Variants in LEO1 observed in about 807,000 individuals in gnomAD.
LEO1 encodes the protein LEO1 component of Paf1/RNA polymerase II complex, also known as RNA polymerase-associated protein LEO1.
LEO1 carries 34 observed loss-of-function variants against 80.4 expected under a neutral mutation model. That is an observed-to-expected ratio of 0.42 (90% CI 0.32 to 0.56). The LOEUF (loss-of-function observed/expected upper bound fraction) is 0.56. Ranked by LOEUF, LEO1 falls within the 20% of genes least tolerant of loss-of-function variation. The pLI is 0.10. For synonymous variants in LEO1, 262 were observed against 274.9 expected (o/e 0.95, Z 0.46); for missense variants, 631 against 814.2 (o/e 0.77, Z 2.74).
chr15:51,939,295 C>G (rs1263069726), intron 11 of LEO1, among the ~76,000 whole-genome samples: 2 of 152,156 alleles, frequency 1.3e-5, no homozygotes, highest in Admixed American at 1.3e-4. Context: ...CCACAGGCTG[C>G]TAGATGGAGA....
chr15:51,968,897 A>G (rs1412632314), intron 1 of LEO1, among the ~76,000 whole-genome samples: 2 of 152,176 alleles, frequency 1.3e-5, no homozygotes, highest in African/African-American at 4.8e-5. Flanking sequence ...CATGTATCTG[A>G]TAAGTGTCTT....
intron 11 of LEO1, among the ~76,000 whole-genome samples, chr15:51,942,075 G>A (rs1355438400): frequency 6.6e-6 from 1 of 152,198 alleles, no homozygotes; most frequent in African/African-American, 2.4e-5. Flanking sequence ...GGCATACCTA[G>A]GCTCCTGGTG....
At chr15:51,960,523 T>C (rs1477064224) in intron 4 of LEO1, 116 bp downstream of exon 4, 2 of 657,462 alleles carry the variant, frequency 3.0e-6, no homozygotes, top group Non-Finnish European at 5.5e-6. Flanking sequence ...CATCTGTTCA[T>C]GGTATTTTCA....
chr15:51,951,753 G>C (rs2056950744), intron 9 of LEO1, 91 bp downstream of exon 9: 1 of 1,134,646 alleles, frequency 8.8e-7, no homozygotes, highest in African/African-American at 1.5e-5. Flanking sequence ...GAAAAGGTAG[G>C]CCAATAAGAG....
At chr15:51,956,476 C>A in intron 6 of LEO1, among the ~76,000 whole-genome samples, 1 of 148,702 alleles carries the variant, frequency 6.7e-6, no homozygotes, top group Non-Finnish European at 1.5e-5. Flanking sequence ...AGAAGCCGTT[C>A]TAAAAAATGC....
At chr15:51,938,393 T>G in intron 11 of LEO1, 133 bp from the exon 12 acceptor site, 1 of 606,666 alleles carries the variant, frequency 1.6e-6, no homozygotes, top group Non-Finnish European at 2.9e-6. Context: ...GTGAGGGAGA[T>G]TGTGAGGTGT....
At position 51,949,283 on chromosome 15, in the gene LEO1, C is replaced by T. The variant is rs1003330002; in HGVS notation, c.1798+525G>A. Among the ~76,000 whole-genome samples the T allele has an allele frequency of 2.0e-5, 3 of 152,182 alleles. 1 individual carries two copies. In the South Asian group the frequency reaches 6.2e-4, roughly 31 times the overall value. On this transcript the variant is annotated intron_variant, in intron 10 of 11. Transcript: ENST00000299601. ...TTGACAAAAGTTCCAGTATAACTGGCAAATTCTCAAGTCAGAAAGCAAAAG... is the reference window on the plus strand; with the variant it reads ...TTGACAAAAGTTCCAGTATAACTGGTAAATTCTCAAGTCAGAAAGCAAAAG...
intron 10 of LEO1, among the ~76,000 whole-genome samples, chr15:51,948,326 C>A (rs748589556): frequency 2.0e-5 from 3 of 152,218 alleles, no homozygotes; most frequent in African/African-American, 7.2e-5. Flanking sequence ...GAATGTTACA[C>A]ACCTCTCTCT....
In LEO1 at chr15:51,971,753, C is replaced by G. The variant is rs755038963; in HGVS notation, c.-8G>C. The G allele has an allele frequency of 6.2e-7, 1 of 1,614,170 alleles. No homozygotes were observed. Among genetic ancestry groups the G allele is most frequent in the Non-Finnish European group, 8.5e-7 (1 of 1,180,008 alleles). On this transcript the variant is annotated 5_prime_UTR_variant, in exon 1 of 12. Coordinates refer to ENST00000299601, the MANE Select transcript of LEO1 (RefSeq NM_138792.4). ...ATCCTCCATATCCGCCATTATCGCT[C>G]ACGTCCGCTGCTGCCTCGGTTAGGG...
chr15:51,952,980 C>A, intron 8 of LEO1, 149 bp downstream of exon 8: 1 of 629,890 alleles, frequency 1.6e-6, no homozygotes, highest in Non-Finnish European at 2.6e-6. Flanking sequence ...GACAAAATAA[C>A]CTTTGAACCT....
chr15:51,959,872 T>C, intron 5 of LEO1, 27 bp downstream of exon 5: 1 of 1,540,084 alleles, frequency 6.5e-7, no homozygotes, highest in Admixed American at 2.1e-5. Flanking sequence ...CTCAACATCC[T>C]GAAAAAATTT....
At position 51,962,404 on chromosome 15, in the gene LEO1, T is replaced by A; in HGVS notation, c.904A>T (p.Thr302Ser). The A allele has an allele frequency of 1.2e-6, 2 of 1,611,348 alleles. No homozygotes were observed. The highest frequency in any genetic ancestry group is 2.2e-5 in the South Asian group (2 of 90,950). The part of the protein sequence containing the change: ...IASDSEADSD[T>S]EVPKDNSGTM... Reference sequence around the variant, plus strand: ...ATAGGGATACCTTTTGGCACCTCAGTGTCACTATCCGCTTCTGAATCAGAT... The same window carrying A: ...ATAGGGATACCTTTTGGCACCTCAGAGTCACTATCCGCTTCTGAATCAGAT... The change falls in exon 3 of 12, where the codon ACT (threonine) becomes TCT (serine). Residue 302 changes from threonine to serine, a missense_variant. Physicochemically the swap from Thr to Ser is moderately conservative, Grantham distance 58. Around this residue, in one of 4 missense-constraint regions of LEO1, gnomAD observed 394 missense variants for 395.6 expected, o/e 1.00. Coordinates refer to ENST00000299601, the MANE Select transcript of LEO1 (RefSeq NM_138792.4).
intron 8 of LEO1, 58 bp from the exon 9 acceptor site, chr15:51,952,037 T>G: frequency 2.0e-6 from 3 of 1,500,970 alleles, no homozygotes; most frequent in Non-Finnish European, 2.7e-6. Context: ...TGTGAGCCAG[T>G]GATACCCACG....
chr15:51,971,605 C>T, intron 1 of LEO1, 83 bp downstream of exon 1: 6 of 1,423,944 alleles, frequency 4.2e-6, no homozygotes, highest in Non-Finnish European at 5.9e-6. Flanking sequence ...CTCTTGCCCG[C>T]GGCGCTGGAG....
At chr15:51,940,951 A>G (rs1304252413) in intron 11 of LEO1, among the ~76,000 whole-genome samples, 1 of 151,984 alleles carries the variant, frequency 6.6e-6, no homozygotes, top group African/African-American at 2.4e-5. Context: ...TACAAAAATT[A>G]GCCAGGCATG....
At position 51,959,211 on chromosome 15, in the gene LEO1, T is replaced by A. The variant is rs540822098; in HGVS notation, c.1161-385A>T. Among the ~76,000 whole-genome samples, 3 of 152,100 alleles carry A rather than the reference T, an allele frequency of 2.0e-5. No homozygotes were observed. In the South Asian group the frequency reaches 6.2e-4, roughly 32 times the overall value. ...GAGACAGGGTGTTTCTCCATGTTGG[T>A]CAGGCTGGTCTCAGACTCCTGACCT... On this transcript the variant is annotated intron_variant, in intron 5 of 11. Coordinates refer to ENST00000299601, the MANE Select transcript of LEO1 (RefSeq NM_138792.4).
intron 5 of LEO1, 53 bp downstream of exon 5, chr15:51,959,846 A>G: frequency 7.0e-7 from 1 of 1,435,832 alleles, no homozygotes; most frequent in Non-Finnish European, 9.3e-7. Context: ...AAAAATAAAC[A>G]TTCTATGTAT....
chr15:51,958,970 C>CTT (rs1035815139), intron 5 of LEO1, 144 bp from the exon 6 acceptor site: 7 of 490,448 alleles, frequency 1.4e-5, no homozygotes, highest in Non-Finnish European at 2.1e-5. Context: ...TATCTTCATG[C>CTT]TTAACTTCAA....
intron 1 of LEO1, among the ~76,000 whole-genome samples, chr15:51,968,072 A>G (rs1458139103): frequency 1.3e-5 from 2 of 152,060 alleles, no homozygotes; most frequent in Non-Finnish European, 2.9e-5. Context: ...TGAGCCCACT[A>G]CTTGGGAGGC....
Sources: gnomAD v4.1 joint callset for allele counts (sites outside exome capture counted in the v4.1 genomes callset) on GRCh38, gnomAD v4.1.1 for gene constraint, gnomAD v4.1.1 regional missense constraint, MANE v1.5 for transcripts, NCBI Gene and HGNC (gene_info 2026-07-23, HGNC 2026-07-21) for gene names.